SIK3: variants seen among roughly 807,000 people sequenced by gnomAD.
SIK3 encodes the protein serine/threonine-protein kinase SIK3.
In SIK3, 28 loss-of-function variants were observed where a neutral mutation model predicts 144.2. That is an observed-to-expected ratio of 0.19 (90% CI 0.14 to 0.27). SIK3 has a LOEUF of 0.27. SIK3 is among the 10% of genes least tolerant of loss of function. The pLI is 1.00. For synonymous variants in SIK3, 686 were observed against 676.3 expected (o/e 1.01, Z -0.22); for missense variants, 1,319 against 1,776.0 (o/e 0.74, Z 4.62).
At chr11:116,958,957 T>C (rs1005011197) in intron 1 of SIK3, among the ~76,000 whole-genome samples, 3 of 152,208 alleles carry the variant, frequency 2.0e-5, no homozygotes, top group Admixed American at 1.3e-4. Context: ...TTAATAGTCA[T>C]TATTAATAAA....
At chr11:116,951,101 A>G (rs1203373142) in intron 3 of SIK3, among the ~76,000 whole-genome samples, 1 of 152,146 alleles carries the variant, frequency 6.6e-6, no homozygotes, top group East Asian at 1.9e-4. Flanking sequence ...ACTATAATAC[A>G]AATATTCTAG....
intron 6 of SIK3, among the ~76,000 whole-genome samples, chr11:116,889,380 G>A (rs954211955): frequency 6.6e-6 from 1 of 151,868 alleles, no homozygotes; most frequent in Admixed American, 6.6e-5. Context: ...ACTGGGCAAT[G>A]TAGTGAGACT....
chr11:117,003,810 G>T (rs543012878), intron 1 of SIK3, among the ~76,000 whole-genome samples: 1 of 152,234 alleles, frequency 6.6e-6, no homozygotes, highest in East Asian at 1.9e-4. Flanking sequence ...AATTCAAGCT[G>T]AGAATTTAAA....
chr11:116,852,258 T>C (rs2134323631), intron 21 of SIK3, among the ~76,000 whole-genome samples: 1 of 152,358 alleles, frequency 6.6e-6, no homozygotes, highest in Admixed American at 6.5e-5. Flanking sequence ...GAATGGGGCC[T>C]CTGCAAACCA....
At chr11:117,013,915 G>GGGGGTGTGTGTGT (rs1206309055) in intron 1 of SIK3, among the ~76,000 whole-genome samples, 1 of 23,652 alleles carries the variant, frequency 4.2e-5, no homozygotes. Flanking sequence ...GGGGGGGGAG[G>GGGGGTGTGTGTGT]GTGTGTGTGT....
intron 1 of SIK3, among the ~76,000 whole-genome samples, chr11:116,996,800 C>T (rs1950682275): frequency 8.1e-6 from 1 of 122,918 alleles, no homozygotes; most frequent in African/African-American, 3.1e-5. Flanking sequence ...AGCCTGGGCG[C>T]CAGAGGGAGA....
chr11:117,021,948 A>AAAAAAAAAAAAAAAAC (rs1565565731), intron 1 of SIK3, among the ~76,000 whole-genome samples: 2 of 127,914 alleles, frequency 1.6e-5, no homozygotes, highest in African/African-American at 3.4e-5. Flanking sequence ...AAAAAAAAAA[A>AAAAAAAAAAAAAAAAC]AAAAAAAAAA....
chr11:116,893,978 G>A (rs527683578), intron 6 of SIK3: 1 of 167,230 alleles, frequency 6.0e-6, no homozygotes, highest in South Asian at 2.1e-4. Context: ...CTAGGAAGGT[G>A]AGGGTGTGGG....
chr11:116,868,917 T>G (rs1943800791), intron 14 of SIK3: 1 of 152,182 alleles, frequency 6.6e-6, no homozygotes, highest in Non-Finnish European at 1.5e-5. Context: ...GCTGCTCTTC[T>G]GGAGGCATGA....
At chr11:117,076,907 GTGC>G (rs2136030259) in intron 1 of SIK3, among the ~76,000 whole-genome samples, 1 of 152,286 alleles carries the variant, frequency 6.6e-6, no homozygotes, top group South Asian at 2.1e-4. Context: ...TATAATTCCA[GTGC>G]TTTGGAAGGC....
chr11:116,879,421 G>T (rs1268712684), intron 6 of SIK3, among the ~76,000 whole-genome samples: 3 of 152,164 alleles, frequency 2.0e-5, no homozygotes, highest in Non-Finnish European at 4.4e-5. Context: ...ACAAGATTTT[G>T]AAAGTTAACA....
At chr11:116,997,661 T>C (rs1057483402) in intron 1 of SIK3, among the ~76,000 whole-genome samples, 2 of 152,226 alleles carry the variant, frequency 1.3e-5, no homozygotes, top group African/African-American at 4.8e-5. Context: ...GAAGGTGATA[T>C]TCTGAAAAGT....
rs1185540319 is a variant in SIK3, at chr11:116,845,376, C to T, written c.*267G>A. The stretch of plus-strand genomic sequence containing the variant: ...ACCCCCAAACAAAACAAAAAACCAC[C>T]AACTCAAATATACTTTCACAAAAGA... On this transcript the variant is annotated 3_prime_UTR_variant, in exon 25 of 25. Coordinates refer to ENST00000445177, the MANE Select transcript of SIK3 (RefSeq NM_001366686.3). 1.3e-5 allele frequency: 2 copies of T among 152,098 alleles called. No individual in the cohort carries two copies. Among genetic ancestry groups the T allele is most frequent in the Non-Finnish European group, 2.9e-5 (2 of 68,002 alleles). The allele number at this position is 152,098 out of a possible 1,614,324, so 9.4% of individuals were successfully genotyped here. A position where few individuals can be genotyped will look rare whatever the true frequency, so the allele number is the denominator to read the frequency against.
intron 1 of SIK3, among the ~76,000 whole-genome samples, chr11:117,016,669 AAAAAT>A (rs1175250162): frequency 6.6e-6 from 1 of 152,216 alleles, no homozygotes; most frequent in Non-Finnish European, 1.5e-5. Flanking sequence ...TTTTAATTTA[AAAAAT>A]AAAATAATGT....
chr11:116,994,945 T>C (rs76077723), intron 1 of SIK3, among the ~76,000 whole-genome samples: 265 of 151,508 alleles, frequency 1.7e-3, no homozygotes, highest in Middle Eastern at 7.0e-3. Context: ...ACCTCTACTT[T>C]CACTCCTTTT....
intron 1 of SIK3, among the ~76,000 whole-genome samples, chr11:117,063,937 A>G (rs887907345): frequency 6.6e-6 from 1 of 152,180 alleles, no homozygotes; most frequent in African/African-American, 2.4e-5. Context: ...ACCAATAAGT[A>G]CAAATTGCAC....
At chr11:117,021,090 G>C (rs182280729) in intron 1 of SIK3, among the ~76,000 whole-genome samples, 1 of 152,278 alleles carries the variant, frequency 6.6e-6, no homozygotes, top group East Asian at 1.9e-4. Flanking sequence ...TGCAGAACTG[G>C]TTGACTGCTT....
At chr11:116,971,860 G>A (rs981307468) in intron 1 of SIK3, among the ~76,000 whole-genome samples, 4 of 152,120 alleles carry the variant, frequency 2.6e-5, no homozygotes, top group South Asian at 2.1e-4. Flanking sequence ...AGGCCGAGGC[G>A]GGTGGATCAC....
intron 1 of SIK3, among the ~76,000 whole-genome samples, chr11:117,062,385 C>G (rs929121837): frequency 3.9e-5 from 6 of 152,076 alleles, no homozygotes; most frequent in African/African-American, 1.4e-4. Flanking sequence ...CAAATTTTGT[C>G]CTCCCCAAAT....
Sources: allele counts gnomAD v4.1 joint callset (sites outside exome capture counted in the v4.1 genomes callset), GRCh38; gene constraint gnomAD v4.1.1; transcripts MANE v1.5; gene names NCBI Gene and HGNC (gene_info 2026-07-23, HGNC 2026-07-21).